CCDC192: variants seen among roughly 807,000 people sequenced by gnomAD.
CCDC192 encodes the protein coiled-coil domain-containing protein 192.
At chr5:127,706,355 C>A (rs1042390461) in intron 1 of CCDC192, among the ~76,000 whole-genome samples, 1 of 151,662 alleles carries the variant, frequency 6.6e-6, no homozygotes, top group Non-Finnish European at 1.5e-5. Flanking sequence ...GGTGAAACCC[C>A]GTCTCTACCA....
chr5:127,938,654 T>C (rs1324863414), intron 6 of CCDC192, among the ~76,000 whole-genome samples: 1 of 152,276 alleles, frequency 6.6e-6, no homozygotes, highest in Non-Finnish European at 1.5e-5. Context: ...GTATTCTAAA[T>C]ATTATCATTT....
At chr5:127,752,794 G>C (rs1373356238) in intron 2 of CCDC192, among the ~76,000 whole-genome samples, 2 of 152,218 alleles carry the variant, frequency 1.3e-5, no homozygotes, top group East Asian at 1.9e-4. Context: ...CTCTGAGCCA[G>C]GTGCGAGATA....
At chr5:127,798,746 A>G (rs1185660633) in intron 5 of CCDC192, among the ~76,000 whole-genome samples, 2 of 150,194 alleles carry the variant, frequency 1.3e-5, no homozygotes, top group Non-Finnish European at 3.0e-5. Context: ...ACATATATTT[A>G]ATATATATTA....
intron 6 of CCDC192, among the ~76,000 whole-genome samples, chr5:127,886,157 C>A (rs529637589): frequency 1.8e-4 from 27 of 152,292 alleles, no homozygotes; most frequent in African/African-American, 5.8e-4. Context: ...CCCCAGTTTT[C>A]CACTAAGACC....
intron 5 of CCDC192, among the ~76,000 whole-genome samples, chr5:127,829,340 T>C (rs1381637932): frequency 6.6e-6 from 1 of 151,650 alleles, no homozygotes; most frequent in Non-Finnish European, 1.5e-5. Flanking sequence ...ATGGGAAATT[T>C]AGATCCTCTT....
chr5:127,882,130 T>A (rs1410572822), intron 6 of CCDC192, among the ~76,000 whole-genome samples: 1 of 152,174 alleles, frequency 6.6e-6, no homozygotes, highest in African/African-American at 2.4e-5. Flanking sequence ...GGTAGACTTA[T>A]CCAAGACTCA....
chr5:127,759,713 A>G (rs977958504), intron 3 of CCDC192, among the ~76,000 whole-genome samples: 1 of 152,108 alleles, frequency 6.6e-6, no homozygotes, highest in African/African-American at 2.4e-5. Flanking sequence ...CTTCAGCCAC[A>G]TAAATTAACG....
At chr5:127,920,999 TAC>T (rs1753696852) in intron 6 of CCDC192, among the ~76,000 whole-genome samples, 1 of 150,578 alleles carries the variant, frequency 6.6e-6, no homozygotes, top group Non-Finnish European at 1.5e-5. Flanking sequence ...CTTGTACCAC[TAC>T]ACTCCAGCCT....
At chr5:127,773,162 A>G (rs900972921) in intron 3 of CCDC192, among the ~76,000 whole-genome samples, 4 of 152,220 alleles carry the variant, frequency 2.6e-5, no homozygotes, top group Admixed American at 6.5e-5. Context: ...TATTAATTTA[A>G]AATGAAACCA....
intron 2 of CCDC192, among the ~76,000 whole-genome samples, chr5:127,714,954 T>G (rs1324173325): frequency 7.6e-6 from 1 of 131,030 alleles, no homozygotes; most frequent in African/African-American, 2.9e-5. Context: ...TTTTGCCCAT[T>G]TATAATGAAA....
At chr5:127,760,630 C>T (rs192559916) in intron 3 of CCDC192, among the ~76,000 whole-genome samples, 91 of 147,032 alleles carry the variant, frequency 6.2e-4, no homozygotes, top group African/African-American at 2.0e-3. Flanking sequence ...ACAAAAAATT[C>T]GCCGGGCATG....
intron 2 of CCDC192, among the ~76,000 whole-genome samples, chr5:127,743,817 G>A (rs1966643): frequency 0.058 from 8,749 of 152,154 alleles, 565 homozygotes; most frequent in East Asian, 0.27. Flanking sequence ...AGGGCCAGGC[G>A]CGGTGGCTCA....
intron 2 of CCDC192, among the ~76,000 whole-genome samples, chr5:127,728,299 G>A (rs1314335830): frequency 1.3e-5 from 2 of 152,116 alleles, no homozygotes; most frequent in Non-Finnish European, 2.9e-5. Context: ...CAGAGAGAAA[G>A]GCCATGTCAC....
At chr5:127,830,821 G>T (rs1358161424) in intron 5 of CCDC192, among the ~76,000 whole-genome samples, 1 of 149,934 alleles carries the variant, frequency 6.7e-6, no homozygotes, top group East Asian at 1.9e-4. Context: ...ATCTACAAAT[G>T]AACTAAAAAA....
intron 6 of CCDC192, among the ~76,000 whole-genome samples, chr5:127,928,788 CGG>C (rs1753935551): frequency 6.6e-6 from 1 of 150,482 alleles, no homozygotes; most frequent in South Asian, 2.1e-4. Context: ...TTTTTTAAGA[CGG>C]AGTCTCGCTC....
intron 5 of CCDC192, among the ~76,000 whole-genome samples, chr5:127,827,553 TTAAA>T (rs1422777431): frequency 1.3e-5 from 2 of 152,216 alleles, no homozygotes; most frequent in Non-Finnish European, 2.9e-5. Flanking sequence ...TATGGTGTCT[TTAAA>T]TACGGAACCA....
chr5:127,930,387 C>G (rs1753991278), intron 6 of CCDC192, among the ~76,000 whole-genome samples: 1 of 152,194 alleles, frequency 6.6e-6, no homozygotes, highest in Non-Finnish European at 1.5e-5. Flanking sequence ...TTCATTCAAT[C>G]TCATGGACTC....
At chr5:127,716,443 A>T (rs1751627233) in intron 2 of CCDC192, among the ~76,000 whole-genome samples, 1 of 152,156 alleles carries the variant, frequency 6.6e-6, no homozygotes, top group South Asian at 2.1e-4. Context: ...AATTGTTTGG[A>T]ATAGTTCAAG....
intron 3 of CCDC192, among the ~76,000 whole-genome samples, chr5:127,757,796 A>ACT (rs1326403674): frequency 1.9e-5 from 2 of 106,564 alleles, no homozygotes; most frequent in African/African-American, 3.3e-5. Context: ...ACACACACAC[A>ACT]CACTCTCTCT....
Sources: gnomAD v4.1 joint callset for allele counts (sites outside exome capture counted in the v4.1 genomes callset) on GRCh38, gnomAD v4.1.1 for gene constraint, MANE v1.5 for transcripts, NCBI Gene and HGNC (gene_info 2026-07-23, HGNC 2026-07-21) for gene names.